SYNPR: variants seen among roughly 807,000 people sequenced by gnomAD.
SYNPR encodes the protein synaptoporin.
A neutral mutation model predicts 32.9 loss-of-function variants in SYNPR; 23 were observed. The observed-to-expected ratio is 0.70, with a 90% CI of 0.50 to 0.99. The LOEUF (loss-of-function observed/expected upper bound fraction) is 0.99, where lower values mean the gene tolerates loss of function less well. SYNPR is among the 50% of genes least tolerant of loss of function. The probability of loss-of-function intolerance (pLI) is 0.00; values close to 1 mark genes in which losing one functional copy is unlikely to be tolerated. For synonymous variants in SYNPR, 146 were observed against 135.9 expected (o/e 1.07, Z -0.52); for missense variants, 318 against 349.3 (o/e 0.91, Z 0.71).
At chr3:63,253,828 A>G (rs2086358501) in intron 2 of SYNPR, among the ~76,000 whole-genome samples, 1 of 152,192 alleles carries the variant, frequency 6.6e-6, no homozygotes, top group African/African-American at 2.4e-5. Flanking sequence ...TATATACCCA[A>G]AGGATTATAA....
chr3:63,225,194 A>C (rs1037272706), upstream of SYNPR, among the ~76,000 whole-genome samples: 1 of 152,190 alleles, frequency 6.6e-6, no homozygotes, highest in Non-Finnish European at 1.5e-5. Flanking sequence ...CAGGGACTTA[A>C]TGTATTCTAT....
intron 4 of SYNPR, among the ~76,000 whole-genome samples, chr3:63,597,149 G>T (rs970949350): frequency 2.0e-5 from 3 of 151,958 alleles, no homozygotes; most frequent in South Asian, 2.1e-4. Flanking sequence ...TACATATGCC[G>T]CTCCTATTTG....
intron 2 of SYNPR, among the ~76,000 whole-genome samples, chr3:63,444,713 A>G (rs1700240620): frequency 6.6e-6 from 1 of 151,782 alleles, no homozygotes; most frequent in Non-Finnish European, 1.5e-5. Flanking sequence ...CTTCATATCT[A>G]CTCCCTTTTG....
At chr3:63,338,582 G>A (rs1047185323) in intron 2 of SYNPR, among the ~76,000 whole-genome samples, 5 of 152,164 alleles carry the variant, frequency 3.3e-5, no homozygotes, top group African/African-American at 1.2e-4. Context: ...AGAGCCAATA[G>A]AGAACTGTGG....
At chr3:63,466,507 C>T (rs1448527546) in intron 2 of SYNPR, among the ~76,000 whole-genome samples, 1 of 151,464 alleles carries the variant, frequency 6.6e-6, no homozygotes, top group African/African-American at 2.4e-5. Context: ...GGTCATCTTC[C>T]TTTAGTGGTA....
chr3:63,352,074 G>A (rs1024823658), intron 2 of SYNPR, among the ~76,000 whole-genome samples: 2 of 152,120 alleles, frequency 1.3e-5, no homozygotes, highest in Admixed American at 1.3e-4. Context: ...GGAGTGCCAG[G>A]CTGAGAGGAC....
At chr3:63,611,776 T>G (rs1024726656) in intron 5 of SYNPR, among the ~76,000 whole-genome samples, 2 of 152,226 alleles carry the variant, frequency 1.3e-5, no homozygotes, top group African/African-American at 4.8e-5. Flanking sequence ...TTGGACTGAA[T>G]GAAAATCACT....
chr3:63,228,474 T>C (rs974520960), intron 1 of SYNPR: 1 of 152,080 alleles, frequency 6.6e-6, no homozygotes, highest in Non-Finnish European at 1.5e-5. Flanking sequence ...ATTAATTGAG[T>C]TTGCTTCTGA....
At chr3:63,202,685 T>G in the SYNPR span, among the ~76,000 whole-genome samples, 1 of 152,194 alleles carries the variant, frequency 6.6e-6, no homozygotes, top group Non-Finnish European at 1.5e-5. Context: ...GGTTTGGGTT[T>G]GGCCCAAGGA....
chr3:63,591,087 A>G (rs376030690), intron 4 of SYNPR, among the ~76,000 whole-genome samples: 2 of 150,308 alleles, frequency 1.3e-5, no homozygotes, highest in African/African-American at 2.5e-5. Context: ...CAGAATCTAC[A>G]ATGAACTCAA....
intron 2 of SYNPR, among the ~76,000 whole-genome samples, chr3:63,291,719 T>A (rs2086740542): frequency 6.6e-6 from 1 of 152,116 alleles, no homozygotes; most frequent in Admixed American, 6.5e-5. Flanking sequence ...AAAAAAAGAA[T>A]GTTTGTGAAA....
intron 3 of SYNPR, among the ~76,000 whole-genome samples, chr3:63,272,918 A>T (rs561379207): frequency 1.3e-5 from 2 of 152,282 alleles, no homozygotes; most frequent in South Asian, 4.1e-4. Flanking sequence ...TTTGGTAACA[A>T]TGTGAGACTA....
upstream of SYNPR, among the ~76,000 whole-genome samples, chr3:63,226,894 T>C (rs994130217): frequency 5.3e-5 from 8 of 152,110 alleles, no homozygotes; most frequent in African/African-American, 1.9e-4. Context: ...TGATAAATAC[T>C]CAAGATAATG....
chr3:63,375,714 T>TATA (rs368120344), intron 2 of SYNPR, among the ~76,000 whole-genome samples: 4,086 of 151,158 alleles, frequency 0.027, 164 homozygotes, highest in African/African-American at 0.091. Flanking sequence ...GAACTTAAAG[T>TATA]ATAATAATAA....
In SYNPR at chr3:63,375,019, G is replaced by A. The variant is rs150438726; in HGVS notation, c.84+96277G>A. Among the ~76,000 whole-genome samples, 767 of 152,256 alleles carry A rather than the reference G, an allele frequency of 5.0e-3. 5 individuals carry two copies. The highest frequency in any genetic ancestry group is 0.017 in the African/African-American group (713 of 41,548). ...GAGAAATGCAAATCAAAACCACAAT[G>A]AGATACCATCTCACACCAGTTAGAA... On this transcript the variant is annotated intron_variant, in intron 2 of 5. Transcript: ENST00000478300.
intron 3 of SYNPR, among the ~76,000 whole-genome samples, chr3:63,526,683 T>C (rs1702019216): frequency 6.6e-6 from 1 of 152,142 alleles, no homozygotes; most frequent in Non-Finnish European, 1.5e-5. Flanking sequence ...AATAGAAGCC[T>C]AAGGGGTGCA....
chr3:63,222,011 ATTTTT>A, the SYNPR span, among the ~76,000 whole-genome samples: 99 of 56,412 alleles, frequency 1.8e-3, no homozygotes, highest in African/African-American at 2.5e-3. Context: ...GCCATGCTCA[ATTTTT>A]TTTTTTTTTT....
At chr3:63,508,514 A>G (rs915162694) in intron 3 of SYNPR, among the ~76,000 whole-genome samples, 1 of 152,142 alleles carries the variant, frequency 6.6e-6, no homozygotes, top group Non-Finnish European at 1.5e-5. Flanking sequence ...TGCAACCTCA[A>G]ATAATGTGAT....
intron 3 of SYNPR, among the ~76,000 whole-genome samples, chr3:63,485,328 G>A (rs557041332): frequency 6.6e-6 from 1 of 152,026 alleles, no homozygotes; most frequent in South Asian, 2.1e-4. Flanking sequence ...AAAACTTTCT[G>A]CACATGTATC....
Sources: allele counts gnomAD v4.1 joint callset (sites outside exome capture counted in the v4.1 genomes callset), GRCh38; gene constraint gnomAD v4.1.1; transcripts MANE v1.5; gene names NCBI Gene and HGNC (gene_info 2026-07-23, HGNC 2026-07-21).